The following FOXO3 variants were observed in gnomAD, a reference collection of about 807,000 sequenced individuals.
FOXO3 encodes the protein forkhead box protein O3.
FOXO3 carries 4 observed loss-of-function variants against 41.9 expected under a neutral mutation model. The ratio of observed to expected loss-of-function variants is 0.10; its 90% CI spans 0.05 to 0.22. The LOEUF (loss-of-function observed/expected upper bound fraction) is 0.22, where lower values mean the gene tolerates loss of function less well. Ranked by LOEUF, FOXO3 falls within the 10% of genes least tolerant of loss-of-function variation. The probability of loss-of-function intolerance (pLI) is 1.00; values close to 1 mark genes in which losing one functional copy is unlikely to be tolerated. For missense variants in FOXO3, 534 were observed against 906.8 expected, an observed-to-expected ratio of 0.59 and a Z score of 5.28; for synonymous variants, 318 against 389.3, an observed-to-expected ratio of 0.82 and a Z score of 2.16.
chr6:108,611,998 T>G (rs530874877), intron 1 of FOXO3, among the ~76,000 whole-genome samples: 15 of 152,332 alleles, frequency 9.8e-5, no homozygotes, highest in Admixed American at 7.2e-4. Flanking sequence ...GATTGCATGT[T>G]TTCTTTCTTA....
At chr6:108,580,507 T>C (rs1776385722) in intron 1 of FOXO3, among the ~76,000 whole-genome samples, 1 of 152,150 alleles carries the variant, frequency 6.6e-6, no homozygotes, top group Non-Finnish European at 1.5e-5. Flanking sequence ...TCTTTACTCA[T>C]GAGGAAACTG....
At chr6:108,586,654 G>A (rs1265317263) in intron 1 of FOXO3, among the ~76,000 whole-genome samples, 5 of 152,148 alleles carry the variant, frequency 3.3e-5, no homozygotes, top group African/African-American at 1.2e-4. Flanking sequence ...AACTGAGGAA[G>A]CAGAAGAGAA....
chr6:108,586,674 A>G (rs1776586583), intron 1 of FOXO3, among the ~76,000 whole-genome samples: 2 of 152,136 alleles, frequency 1.3e-5, no homozygotes. Flanking sequence ...AGGGCAGAAG[A>G]CAAAAACCCT....
chr6:108,679,297 A>G (rs1770754447), intron 2 of FOXO3, among the ~76,000 whole-genome samples: 1 of 151,940 alleles, frequency 6.6e-6, no homozygotes, highest in African/African-American at 2.4e-5. Flanking sequence ...GAAAGTGGCC[A>G]TTTCATCTCC....
chr6:108,667,919 T>C (rs546800551), intron 2 of FOXO3, among the ~76,000 whole-genome samples: 59 of 152,346 alleles, frequency 3.9e-4, no homozygotes, highest in African/African-American at 1.3e-3. Context: ...CCATTTTTGC[T>C]TAGAATCCAT....
intron 1 of FOXO3, among the ~76,000 whole-genome samples, chr6:108,579,998 T>A (rs535793052): frequency 1.3e-5 from 2 of 152,114 alleles, no homozygotes; most frequent in African/African-American, 4.8e-5. Context: ...AATTCCTCCC[T>A]GCCCAAAAGG....
chr6:108,636,224 G>A (rs189848989), intron 1 of FOXO3, among the ~76,000 whole-genome samples: 68 of 152,210 alleles, frequency 4.5e-4, no homozygotes, highest in Admixed American at 9.2e-4. Flanking sequence ...GTTACCTAGT[G>A]TATCGATGTT....
chr6:108,676,124 CTCCCCATTTCATTT>C (rs1562269614), intron 2 of FOXO3, among the ~76,000 whole-genome samples: 1 of 152,184 alleles, frequency 6.6e-6, no homozygotes, highest in Non-Finnish European at 1.5e-5. Flanking sequence ...TTTATTTGGT[CTCCCCATTTCATTT>C]TCTTTGTATC....
chr6:108,599,165 A>C (rs1776975496), intron 1 of FOXO3, among the ~76,000 whole-genome samples: 1 of 152,178 alleles, frequency 6.6e-6, no homozygotes, highest in Non-Finnish European at 1.5e-5. Context: ...TCCTGTTAAT[A>C]AGTAAATGAC....
intron 2 of FOXO3, among the ~76,000 whole-genome samples, chr6:108,674,461 G>A (rs999533095): frequency 6.6e-6 from 1 of 152,214 alleles, no homozygotes; most frequent in Non-Finnish European, 1.5e-5. Flanking sequence ...TGCTCCATAA[G>A]TGTTTGATTT....
chr6:108,650,321 C>A (rs1203560728), intron 1 of FOXO3, among the ~76,000 whole-genome samples: 1 of 152,168 alleles, frequency 6.6e-6, no homozygotes, highest in Admixed American at 6.5e-5. Context: ...CTCTTAGACT[C>A]TTCTGTCTCC....
chr6:108,669,656 T>C lies in FOXO3; in HGVS notation c.*34+4767T>C, dbSNP rs150748330. 9.0e-3 allele frequency among the ~76,000 whole-genome samples: 1,370 copies of C among 152,292 alleles called. 11 individuals are homozygous for C. The highest frequency in any genetic ancestry group is 0.02 in the Middle Eastern group (6 of 294). On this transcript the variant is annotated intron_variant, in intron 2 of 2. Coordinates refer to ENST00000406360, the MANE Select transcript of FOXO3 (RefSeq NM_001455.4). ...AATGTTGGGATCTTTTTAGTGTCGA[T>C]GAGCGCGAGAGAAAATTGATATGGC...
chr6:108,573,116 C>T (rs1384288572), intron 1 of FOXO3, among the ~76,000 whole-genome samples: 3 of 152,060 alleles, frequency 2.0e-5, no homozygotes, highest in Non-Finnish European at 4.4e-5. Context: ...GAAACCCCAT[C>T]TCTACTAAAA....
chr6:108,673,186 C>T (rs1779266816), intron 2 of FOXO3, among the ~76,000 whole-genome samples: 1 of 152,194 alleles, frequency 6.6e-6, no homozygotes, highest in African/African-American at 2.4e-5. Context: ...GTAACAAAAG[C>T]CAAAGCACTC....
upstream of FOXO3, among the ~76,000 whole-genome samples, chr6:108,560,667 C>A (rs141079241): frequency 4.5e-3 from 683 of 152,154 alleles, 5 homozygotes; most frequent in Non-Finnish European, 7.3e-3. Context: ...GGCACTAGAG[C>A]GGGCCCGAGC....
intron 2 of FOXO3, among the ~76,000 whole-genome samples, chr6:108,668,725 T>C (rs774614739): frequency 2.6e-5 from 4 of 152,082 alleles, no homozygotes; most frequent in Non-Finnish European, 4.4e-5. Context: ...GGAGGGGTGG[T>C]TCACTTCTTG....
intron 1 of FOXO3, among the ~76,000 whole-genome samples, chr6:108,585,338 C>T (rs970323780): frequency 4.6e-5 from 7 of 152,234 alleles, no homozygotes; most frequent in South Asian, 2.1e-4. Context: ...CCACCGCGCC[C>T]GGCCTCTATC....
At chr6:108,607,625 C>T (rs1213223747) in intron 1 of FOXO3, among the ~76,000 whole-genome samples, 1 of 152,124 alleles carries the variant, frequency 6.6e-6, no homozygotes, top group East Asian at 1.9e-4. Flanking sequence ...ATTATGGATA[C>T]ATTCTTTTCA....
intron 1 of FOXO3, among the ~76,000 whole-genome samples, chr6:108,628,261 T>C (rs1777867987): frequency 6.6e-6 from 1 of 152,196 alleles, no homozygotes; most frequent in African/African-American, 2.4e-5. Flanking sequence ...TTGCTTTTGG[T>C]TTCAGAATCC....
Sources: gnomAD v4.1 joint callset for allele counts (sites outside exome capture counted in the v4.1 genomes callset) on GRCh38, gnomAD v4.1.1 for gene constraint, MANE v1.5 for transcripts, NCBI Gene and HGNC (gene_info 2026-07-23, HGNC 2026-07-21) for gene names.